CNTN3: variants seen among roughly 807,000 people sequenced by gnomAD.
CNTN3 encodes the protein contactin-3.
CNTN3 carries 60 observed loss-of-function variants against 119.1 expected under a neutral mutation model. The ratio of observed to expected loss-of-function variants is 0.50; its 90% CI spans 0.41 to 0.62. The LOEUF (loss-of-function observed/expected upper bound fraction) is 0.62, where lower values mean the gene tolerates loss of function less well. CNTN3 is among the 20% of genes least tolerant of loss of function. CNTN3 has a pLI of 0.00. For missense variants in CNTN3, 1,101 were observed against 1,242.4 expected (o/e 0.89, Z 1.71); for synonymous variants, 450 against 438.7 (o/e 1.03, Z -0.32).
chr3:74,479,859 A>T (rs11917794), intron 4 of CNTN3, among the ~76,000 whole-genome samples: 54,504 of 151,928 alleles, frequency 0.36, 12,043 homozygotes, highest in Non-Finnish European at 0.5. Flanking sequence ...ATCTGATTAC[A>T]TCTCAATACC....
intron 1 of CNTN3, among the ~76,000 whole-genome samples, chr3:74,542,125 T>G (rs2107148483): frequency 6.6e-6 from 1 of 152,194 alleles, no homozygotes; most frequent in South Asian, 2.1e-4. Flanking sequence ...TCCCAGCTAT[T>G]TGGGAGGCTG....
chr3:74,499,301 G>A (rs1703120575), intron 3 of CNTN3, among the ~76,000 whole-genome samples: 1 of 151,882 alleles, frequency 6.6e-6, no homozygotes, highest in African/African-American at 2.4e-5. Context: ...GTGGCACACA[G>A]AAGTATTTGT....
rs148548739 is a variant in CNTN3, at chr3:74,337,244, A to C, written c.1365-586T>G. Among the ~76,000 whole-genome samples, 657 of 152,224 alleles carry C rather than the reference A, an allele frequency of 4.3e-3. 9 individuals carry two copies. The highest frequency in any genetic ancestry group is 0.015 in the African/African-American group (629 of 41,544). On this transcript the variant is annotated intron_variant, in intron 11 of 22. Coordinates refer to ENST00000263665, the MANE Select transcript of CNTN3 (RefSeq NM_020872.3). ...CTTACCTTAGAGTTTCTTAGTATAC[A>C]CTTAGAGTACTCAAAGCTTTGGCAT...
chr3:74,454,583 G>A (rs1702229938), intron 4 of CNTN3, among the ~76,000 whole-genome samples: 1 of 151,836 alleles, frequency 6.6e-6, no homozygotes, highest in South Asian at 2.1e-4. Context: ...TTGCTCGTTA[G>A]TTGATGCAGT....
chr3:74,442,146 T>TACACACACACACAC (rs567314995), intron 4 of CNTN3, among the ~76,000 whole-genome samples: 166 of 124,028 alleles, frequency 1.3e-3, no homozygotes, highest in African/African-American at 4.5e-3. Context: ...TGCATGCAAG[T>TACACACACACACAC]ACACACACAC....
At chr3:74,415,902 G>C (rs1446056154) in intron 5 of CNTN3, among the ~76,000 whole-genome samples, 1 of 152,152 alleles carries the variant, frequency 6.6e-6, no homozygotes, top group Non-Finnish European at 1.5e-5. Context: ...ACTCCCAGGA[G>C]ACAGCATCTG....
intron 13 of CNTN3, among the ~76,000 whole-genome samples, chr3:74,329,631 C>T (rs1305262642): frequency 1.3e-5 from 2 of 152,072 alleles, no homozygotes. Context: ...AATTACCAGG[C>T]CCTAGGTCTT....
At chr3:74,336,392 G>A in intron 12 of CNTN3, 139 bp downstream of exon 12, 1 of 904,286 alleles carries the variant, frequency 1.1e-6, no homozygotes, top group East Asian at 2.6e-5. Context: ...ACTTTCACCT[G>A]TTAAAAATAA....
rs796405888 is a variant in CNTN3, at chr3:74,429,165, C to CT, written c.359-4226dup. ...ATATCAGCATGGTTTTGGGTTTGTT[C>CT]TTTTTTTTTTGTAGATAAAGACAAG... On this transcript the variant is annotated intron_variant, in intron 4 of 22. Coordinates refer to ENST00000263665, the MANE Select transcript of CNTN3 (RefSeq NM_020872.3). Among the ~76,000 whole-genome samples the CT allele has an allele frequency of 1.0e-3, 148 of 147,190 alleles. 1 individual carries two copies. Among genetic ancestry groups the CT allele is most frequent in the South Asian group, 1.1e-3 (5 of 4,668 alleles).
chr3:74,447,550 G>C (rs1381747043), intron 4 of CNTN3, among the ~76,000 whole-genome samples: 1 of 152,180 alleles, frequency 6.6e-6, no homozygotes, highest in Non-Finnish European at 1.5e-5. Flanking sequence ...AAGGGAAAGA[G>C]CAATTGCATG....
chr3:74,338,424 A>ATATATATACATATGTGTATACATATG (rs1559553715), intron 11 of CNTN3, among the ~76,000 whole-genome samples: 65 of 150,290 alleles, frequency 4.3e-4, no homozygotes, highest in African/African-American at 1.6e-3. Context: ...GTATACATAT[A>ATATATATACATATGTGTATACATATG]TGTGTATATA....
intron 4 of CNTN3, among the ~76,000 whole-genome samples, chr3:74,446,619 T>C (rs145948660): frequency 2.0e-3 from 299 of 151,904 alleles, no homozygotes; most frequent in African/African-American, 6.8e-3. Context: ...ATAATTTTTA[T>C]ATTGATTATA....
At chr3:74,530,292 A>C (rs1238031138) in intron 1 of CNTN3, among the ~76,000 whole-genome samples, 1 of 151,972 alleles carries the variant, frequency 6.6e-6, no homozygotes, top group Non-Finnish European at 1.5e-5. Context: ...TACATCCCAA[A>C]GGGAGGTGCC....
chr3:74,381,721 C>T (rs571576224), intron 5 of CNTN3, among the ~76,000 whole-genome samples: 1 of 152,082 alleles, frequency 6.6e-6, no homozygotes, highest in South Asian at 2.1e-4. Flanking sequence ...CACTCTATGA[C>T]TCTGTAGAAA....
intron 3 of CNTN3, among the ~76,000 whole-genome samples, chr3:74,488,438 A>G (rs191904265): frequency 3.9e-5 from 6 of 152,252 alleles, no homozygotes; most frequent in African/African-American, 1.4e-4. Flanking sequence ...AAGGTATTTT[A>G]AAGCTCTCAT....
chr3:74,445,283 G>C (rs1228616163), intron 4 of CNTN3, among the ~76,000 whole-genome samples: 3 of 151,426 alleles, frequency 2.0e-5, no homozygotes, highest in African/African-American at 7.3e-5. Context: ...TTTTTTTTTA[G>C]ACAGGGTCTC....
At chr3:74,512,608 T>A (rs1395210178) in intron 2 of CNTN3, among the ~76,000 whole-genome samples, 1 of 150,696 alleles carries the variant, frequency 6.6e-6, no homozygotes, top group East Asian at 2.0e-4. Context: ...ATTAGATTCT[T>A]TTATACTGTT....
intron 10 of CNTN3, 112 bp downstream of exon 10, chr3:74,364,355 A>T: frequency 1.1e-6 from 1 of 952,240 alleles, no homozygotes; most frequent in Non-Finnish European, 1.6e-6. Flanking sequence ...GTAATACTGT[A>T]GATATTATTA....
intron 8 of CNTN3, among the ~76,000 whole-genome samples, chr3:74,367,755 T>A (rs1210278081): frequency 6.6e-6 from 1 of 152,158 alleles, no homozygotes; most frequent in Non-Finnish European, 1.5e-5. Context: ...CCTCATCATA[T>A]GAAGCATACA....
Sources: gnomAD v4.1 joint callset for allele counts (sites outside exome capture counted in the v4.1 genomes callset) on GRCh38, gnomAD v4.1.1 for gene constraint, MANE v1.5 for transcripts, NCBI Gene and HGNC (gene_info 2026-07-23, HGNC 2026-07-21) for gene names.